NRXN1: variants seen among roughly 807,000 people sequenced by gnomAD.
NRXN1 encodes the protein neurexin 1, also known as neurexin-1.
Under a neutral mutation model 150.9 loss-of-function variants are expected in NRXN1, and 39 were observed. The observed-to-expected ratio is 0.26, with a 90% CI of 0.20 to 0.34. The LOEUF (loss-of-function observed/expected upper bound fraction) is 0.34, where lower values mean the gene tolerates loss of function less well. Among genes scored for constraint, NRXN1 ranks in the 10% least tolerant of loss-of-function variants. The pLI is 1.00. For missense variants in NRXN1, 1,815 were observed against 1,949.9 expected, an observed-to-expected ratio of 0.93 and a Z score of 1.30; for synonymous variants, 924 against 757.0, an observed-to-expected ratio of 1.22 and a Z score of -3.62.
chr2:49,919,646 G>C lies in NRXN1; in HGVS notation c.*2298C>G, dbSNP rs993583276. On this transcript the variant is annotated 3_prime_UTR_variant, in exon 23 of 23. Coordinates refer to ENST00000401669, the MANE Select transcript of NRXN1 (RefSeq NM_001330078.2). ...GCTTTCCCTGAGTAAGACTGAATGA[G>C]ACGGGGGAAAAGAAAAGACTCGTGA... 4 of 151,274 alleles carry C rather than the reference G, an allele frequency of 2.6e-5. No homozygotes were observed. Among genetic ancestry groups the C allele is most frequent in the Non-Finnish European group, 4.4e-5 (3 of 67,836 alleles). The allele number at this position is 151,274 out of a possible 1,614,324, so 9.4% of individuals were successfully genotyped here. A position where few individuals can be genotyped will look rare whatever the true frequency, so the allele number is the denominator to read the frequency against.
chr2:50,708,501 T>C (rs1480637687), intron 5 of NRXN1, among the ~76,000 whole-genome samples: 2 of 152,120 alleles, frequency 1.3e-5, no homozygotes, highest in African/African-American at 4.8e-5. Context: ...GTTAGTAAGA[T>C]AAAGGACTTA....
intron 17 of NRXN1, among the ~76,000 whole-genome samples, chr2:50,261,663 C>G (rs1179251879): frequency 6.6e-6 from 1 of 151,716 alleles, no homozygotes; most frequent in South Asian, 2.1e-4. Context: ...AAAATAGATT[C>G]CTTTAATTTT....
At chr2:50,423,549 A>G (rs2084170393) in intron 17 of NRXN1, among the ~76,000 whole-genome samples, 1 of 152,202 alleles carries the variant, frequency 6.6e-6, no homozygotes, top group South Asian at 2.1e-4. Context: ...CCATTGCCCT[A>G]GAAAAGAGAT....
At chr2:50,579,179 C>A in intron 8 of NRXN1, among the ~76,000 whole-genome samples, 1 of 152,164 alleles carries the variant, frequency 6.6e-6, no homozygotes, top group East Asian at 1.9e-4. Flanking sequence ...GTTTTTAAAG[C>A]AGAGCAAGTG....
At position 50,435,425 on chromosome 2, in the gene NRXN1, A is replaced by T. The variant is rs377251023; in HGVS notation, c.3364+30017T>A. ...GAAGTACTTCAATTTCTGCTCCAAA[A>T]CTCAATTCTTCTTTCTAGAATCATA... is the stretch of plus-strand genomic sequence containing the variant. On this transcript the variant is annotated intron_variant, in intron 17 of 22. Coordinates refer to ENST00000401669, the MANE Select transcript of NRXN1 (RefSeq NM_001330078.2). Among the ~76,000 whole-genome samples, 171 of 152,300 alleles carry T rather than the reference A, an allele frequency of 1.1e-3. 5 individuals are homozygous for T. The South Asian group carries it at 0.034, about 30-fold the overall frequency.
intron 17 of NRXN1, among the ~76,000 whole-genome samples, chr2:50,309,135 T>C (rs1558498678): frequency 6.6e-6 from 1 of 152,184 alleles, no homozygotes; most frequent in African/African-American, 2.4e-5. Context: ...CATTTATAGA[T>C]TTGTTATTTG....
At chr2:50,401,519 T>C (rs2082390307) in intron 17 of NRXN1, among the ~76,000 whole-genome samples, 2 of 152,044 alleles carry the variant, frequency 1.3e-5, no homozygotes. Context: ...AGATTCCTTC[T>C]AGATTTGATT....
At chr2:50,266,477 A>G (rs1202407565) in intron 17 of NRXN1, among the ~76,000 whole-genome samples, 1 of 147,456 alleles carries the variant, frequency 6.8e-6, no homozygotes, top group Non-Finnish European at 1.5e-5. Context: ...TAACTCTATA[A>G]TATATATAAT....
At chr2:50,504,160 A>C (rs2092103157) in intron 13 of NRXN1, among the ~76,000 whole-genome samples, 2 of 151,308 alleles carry the variant, frequency 1.3e-5, no homozygotes, top group South Asian at 4.2e-4. Context: ...AAAAAAAAAA[A>C]ATAGCTGGCC....
At chr2:50,921,424 GACA>G (rs1251409342) in intron 5 of NRXN1, among the ~76,000 whole-genome samples, 1 of 151,792 alleles carries the variant, frequency 6.6e-6, no homozygotes, top group Non-Finnish European at 1.5e-5. Context: ...ACACCTAGCA[GACA>G]ACAAGATGAT....
intron 18 of NRXN1, among the ~76,000 whole-genome samples, chr2:50,205,189 GC>G (rs1304649028): frequency 1.3e-5 from 2 of 152,034 alleles, no homozygotes; most frequent in African/African-American, 4.8e-5. Context: ...TGGAAATTCT[GC>G]TACTAATATA....
At chr2:50,327,987 T>G (rs2076501370) in intron 17 of NRXN1, among the ~76,000 whole-genome samples, 1 of 152,112 alleles carries the variant, frequency 6.6e-6, no homozygotes, top group Admixed American at 6.6e-5. Flanking sequence ...TTTCTTCTTT[T>G]TCTTATATTT....
rs1221234621 is a variant in NRXN1, at chr2:50,140,340, A to G, written c.3547-48846T>C. The stretch of plus-strand genomic sequence containing the variant: ...TTGTGACCAAGAATTTTCATTTTTC[A>G]GAACCTGACCATGTTACTCTTCTTA... On this transcript the variant is annotated intron_variant, in intron 18 of 22. Transcript: ENST00000401669. 2.6e-5 allele frequency among the ~76,000 whole-genome samples: 4 copies of G among 152,262 alleles called. No individual in the cohort carries two copies. The East Asian group carries it at 5.8e-4, about 22-fold the overall frequency.
chr2:50,808,191 C>T (rs886472005), intron 5 of NRXN1, among the ~76,000 whole-genome samples: 3 of 151,918 alleles, frequency 2.0e-5, no homozygotes, highest in Admixed American at 6.6e-5. Context: ...AAATAGTTTC[C>T]GGGGCAAGTA....
At chr2:50,614,601 C>T (rs1223183480) in intron 8 of NRXN1, among the ~76,000 whole-genome samples, 2 of 148,396 alleles carry the variant, frequency 1.3e-5, no homozygotes, top group Admixed American at 6.8e-5. Context: ...CAAACCTGCA[C>T]GTTGTACACA....
At chr2:49,980,345 G>T (rs1043518974) in intron 21 of NRXN1, among the ~76,000 whole-genome samples, 1 of 152,046 alleles carries the variant, frequency 6.6e-6, no homozygotes, top group South Asian at 2.1e-4. Context: ...CATACTTTAA[G>T]AACCTTGGGA....
chr2:50,286,223 G>A (rs1301403545), intron 17 of NRXN1, among the ~76,000 whole-genome samples: 3 of 152,010 alleles, frequency 2.0e-5, no homozygotes, highest in Admixed American at 1.3e-4. Context: ...TAGATCTCTT[G>A]AACTTACTTC....
intron 17 of NRXN1, among the ~76,000 whole-genome samples, chr2:50,463,046 G>A (rs2088409819): frequency 6.6e-6 from 1 of 151,646 alleles, no homozygotes; most frequent in Non-Finnish European, 1.5e-5. Flanking sequence ...ATAAACTAGA[G>A]ATGAAAATTT....
Position 50,531,275 on chromosome 2 carries a change from G to A in NRXN1, c.2299C>T (p.Leu767Phe), listed in dbSNP as rs2105206998. 3 of 1,613,590 alleles carry A rather than the reference G, an allele frequency of 1.9e-6. No individual in the cohort carries two copies. Among genetic ancestry groups the A allele is most frequent in the Non-Finnish European group, 2.5e-6 (3 of 1,179,714 alleles). Reference sequence around the variant, plus strand: ...CGTCCTGCGTCTAGCTCCAGGCGGAGGGTGTCAGCAGAGTCTCTAGAAGTG... The same window carrying A: ...CGTCCTGCGTCTAGCTCCAGGCGGAAGGTGTCAGCAGAGTCTCTAGAAGTG... ...ATTSRDSADT[L>F]RLELDAGRVK... The change falls in exon 11 of 23, where the codon CTC becomes TTC. Residue 767 changes from leucine to phenylalanine, a missense_variant. Physicochemically the swap from Leu to Phe is conservative, Grantham distance 22. Transcript: ENST00000401669.
Sources: gnomAD v4.1 joint callset for allele counts (sites outside exome capture counted in the v4.1 genomes callset) on GRCh38, gnomAD v4.1.1 for gene constraint, MANE v1.5 for transcripts, NCBI Gene and HGNC (gene_info 2026-07-23, HGNC 2026-07-21) for gene names.